HIPK2: variants seen among roughly 807,000 people sequenced by gnomAD.
HIPK2 encodes the protein homeodomain interacting protein kinase 2.
In HIPK2, 27 loss-of-function variants were observed where a neutral mutation model predicts 113.7. The observed-to-expected ratio is 0.24, with a 90% CI of 0.17 to 0.33. HIPK2 has a LOEUF of 0.33. Ranked by LOEUF, HIPK2 falls within the 10% of genes least tolerant of loss-of-function variation. HIPK2 has a pLI of 1.00. For missense variants in HIPK2, 1,257 were observed against 1,588.0 expected (o/e 0.79, Z 3.54); for synonymous variants, 631 against 642.2 (o/e 0.98, Z 0.26).
intron 2 of HIPK2, among the ~76,000 whole-genome samples, chr7:139,635,133 C>T (rs895641512): frequency 1.3e-5 from 2 of 152,146 alleles, no homozygotes; most frequent in African/African-American, 4.8e-5. Flanking sequence ...AGAGTTTTGG[C>T]CTGGACTGCT....
chr7:139,644,555 T>C (rs1187510815), intron 2 of HIPK2, among the ~76,000 whole-genome samples: 5 of 152,244 alleles, frequency 3.3e-5, no homozygotes, highest in Non-Finnish European at 7.3e-5. Flanking sequence ...GCCTCAGCCA[T>C]TCTTTTATGA....
At chr7:139,693,044 C>T (rs1423090165) in intron 2 of HIPK2, among the ~76,000 whole-genome samples, 1 of 151,216 alleles carries the variant, frequency 6.6e-6, no homozygotes, top group Non-Finnish European at 1.5e-5. Context: ...ATAATGACAA[C>T]AGTTCCTAAC....
At chr7:139,635,074 G>A (rs1800762371) in intron 2 of HIPK2, among the ~76,000 whole-genome samples, 1 of 152,184 alleles carries the variant, frequency 6.6e-6, no homozygotes, top group South Asian at 2.1e-4. Context: ...TAGAGTCAGG[G>A]GTGGCCTCCT....
At chr7:139,715,815 T>A (rs763402261) in intron 2 of HIPK2, 117 bp downstream of exon 2, 32 of 1,390,350 alleles carry the variant, frequency 2.3e-5, no homozygotes, top group Non-Finnish European at 3.1e-5. Context: ...TTAAGATCAC[T>A]TGAAGGCAGG....
chr7:139,765,796 T>C (rs2117158337), intron 1 of HIPK2, among the ~76,000 whole-genome samples: 1 of 152,274 alleles, frequency 6.6e-6, no homozygotes, highest in South Asian at 2.1e-4. Context: ...GAACCTGAAA[T>C]CTGCCTCCCC....
intron 2 of HIPK2, among the ~76,000 whole-genome samples, chr7:139,636,794 C>T (rs1254546522): frequency 6.6e-6 from 1 of 152,174 alleles, no homozygotes. Context: ...CTTACTCGCT[C>T]CATAGGTTTA....
chr7:139,704,907 T>A (rs1794844430), intron 2 of HIPK2, among the ~76,000 whole-genome samples: 1 of 152,128 alleles, frequency 6.6e-6, no homozygotes, highest in African/African-American at 2.4e-5. Context: ...TCAGGAAGTA[T>A]ACCCCCACCT....
At chr7:139,657,242 C>T (rs995049713) in intron 2 of HIPK2, among the ~76,000 whole-genome samples, 2 of 152,312 alleles carry the variant, frequency 1.3e-5, no homozygotes, top group South Asian at 2.1e-4. Context: ...AGTCAAGAGC[C>T]TTGGACTGCA....
intron 1 of HIPK2, among the ~76,000 whole-genome samples, chr7:139,717,813 C>T (rs980398888): frequency 6.6e-6 from 1 of 152,068 alleles, no homozygotes; most frequent in Non-Finnish European, 1.5e-5. Flanking sequence ...GGCATGATCT[C>T]GGCTCACTGC....
intron 1 of HIPK2, among the ~76,000 whole-genome samples, chr7:139,745,759 G>A (rs1038794677): frequency 8.6e-5 from 13 of 151,866 alleles, no homozygotes; most frequent in African/African-American, 2.4e-4. Context: ...CTGCTGGCTC[G>A]AGCTCTGCCT....
chr7:139,631,491 G>GT lies in HIPK2; in HGVS notation c.1227+110dup. 6.7e-7 allele frequency: 1 copy of GT among 1,487,802 alleles called. No individual in the cohort carries two copies. Among genetic ancestry groups the GT allele is most frequent in the Non-Finnish European group, 9.0e-7 (1 of 1,113,458 alleles). 92.2% of individuals were successfully genotyped at this position (1,487,802 alleles called of 1,614,324 possible). Reference sequence around the variant, plus strand: ...AGGGAAGCAAGGTTTGGGAGACAACGTGACATTCCACAGTCCCGCCCATTT... The same window carrying GT: ...AGGGAAGCAAGGTTTGGGAGACAACGTTGACATTCCACAGTCCCGCCCATTT... On this transcript the variant is annotated intron_variant, in intron 3 of 14. Coordinates refer to ENST00000406875, the MANE Select transcript of HIPK2 (RefSeq NM_022740.5). This position sits in a 1 kb window ranked among gnomAD's most constrained non-coding sequence, Gnocchi z 4.9.
intron 1 of HIPK2, among the ~76,000 whole-genome samples, chr7:139,743,093 G>A (rs1186872190): frequency 6.6e-6 from 1 of 152,200 alleles, no homozygotes; most frequent in Admixed American, 6.5e-5. Context: ...TCTTCCCCAG[G>A]TGTGCAGGAA....
At chr7:139,719,561 T>C (rs1332676355) in intron 1 of HIPK2, among the ~76,000 whole-genome samples, 1 of 152,202 alleles carries the variant, frequency 6.6e-6, no homozygotes, top group South Asian at 2.1e-4. Flanking sequence ...CAGTGATATA[T>C]TGCAGCCTCC....
At chr7:139,650,985 G>T (rs767039697) in intron 2 of HIPK2, among the ~76,000 whole-genome samples, 1 of 152,216 alleles carries the variant, frequency 6.6e-6, no homozygotes, top group Non-Finnish European at 1.5e-5. Context: ...GCACAGCAAC[G>T]GTGAGATAAT....
chr7:139,700,661 G>GT (rs1794682576), intron 2 of HIPK2, among the ~76,000 whole-genome samples: 1 of 152,090 alleles, frequency 6.6e-6, no homozygotes, highest in Non-Finnish European at 1.5e-5. Flanking sequence ...CATTTCTCTC[G>GT]TGAGGCTTTC....
At chr7:139,674,893 G>A (rs1024275436) in intron 2 of HIPK2, among the ~76,000 whole-genome samples, 3 of 152,240 alleles carry the variant, frequency 2.0e-5, no homozygotes, top group Admixed American at 2.0e-4. Flanking sequence ...CCCAGCTGCC[G>A]CTTCCTGCCA....
intron 13 of HIPK2, among the ~76,000 whole-genome samples, chr7:139,576,868 C>T (rs1251070456): frequency 6.6e-6 from 1 of 152,168 alleles, no homozygotes; most frequent in Non-Finnish European, 1.5e-5. Context: ...GGGGCCATCT[C>T]CCCACCCCAG....
chr7:139,720,562 A>G (rs1216772812), intron 1 of HIPK2, among the ~76,000 whole-genome samples: 1 of 152,220 alleles, frequency 6.6e-6, no homozygotes, highest in Non-Finnish European at 1.5e-5. Flanking sequence ...CCTTATTCTA[A>G]GTCAACATCC....
At chr7:139,687,618 T>C (rs994041373) in intron 2 of HIPK2, among the ~76,000 whole-genome samples, 16 of 152,178 alleles carry the variant, frequency 1.1e-4, no homozygotes, top group African/African-American at 3.6e-4. Context: ...CTTGTCTCAG[T>C]CTATCCCATC....
Sources: gnomAD v4.1 joint callset for allele counts (sites outside exome capture counted in the v4.1 genomes callset) on GRCh38, gnomAD v4.1.1 for gene constraint, Gnocchi (gnomAD v3.1) non-coding constraint, MANE v1.5 for transcripts, NCBI Gene and HGNC (gene_info 2026-07-23, HGNC 2026-07-21) for gene names.